The following SLC9A9 variants were observed in gnomAD, a reference collection of about 807,000 sequenced individuals.
SLC9A9 encodes the protein sodium/hydrogen exchanger 9.
Under a neutral mutation model 77.8 loss-of-function variants are expected in SLC9A9, and 62 were observed. The observed-to-expected ratio is 0.80, with a 90% CI of 0.65 to 0.98. The LOEUF is 0.98. SLC9A9 is among the 50% of genes least tolerant of loss of function. The pLI is 0.00. For missense variants in SLC9A9, 775 were observed against 774.9 expected (o/e 1.00, Z 0.00); for synonymous variants, 320 against 283.5 (o/e 1.13, Z -1.29).
At chr3:143,475,125 ATTT>A (rs35148633) in intron 11 of SLC9A9, among the ~76,000 whole-genome samples, 1 of 134,670 alleles carries the variant, frequency 7.4e-6, no homozygotes, top group Non-Finnish European at 1.6e-5. Flanking sequence ...CACCTGGCTC[ATTT>A]TTTTTTTTTT....
At chr3:143,343,388 T>C (rs974789164) in intron 14 of SLC9A9, 15 of 152,300 alleles carry the variant, frequency 9.8e-5, no homozygotes, top group African/African-American at 3.6e-4. Flanking sequence ...TAGTCAATTT[T>C]CAGAATAAGA....
At chr3:143,708,624 A>C (rs1321268161) in intron 4 of SLC9A9, among the ~76,000 whole-genome samples, 1 of 152,140 alleles carries the variant, frequency 6.6e-6, no homozygotes, top group Non-Finnish European at 1.5e-5. Context: ...TCTCTCCTTT[A>C]TTTCATCTAG....
chr3:143,666,837 C>T (rs148948146), intron 5 of SLC9A9, among the ~76,000 whole-genome samples: 2,253 of 152,264 alleles, frequency 0.015, 48 homozygotes, highest in African/African-American at 0.051. Flanking sequence ...AAAGAGGACA[C>T]AAACAAATGG....
chr3:143,417,399 A>T (rs561038546), intron 12 of SLC9A9, among the ~76,000 whole-genome samples: 5 of 149,194 alleles, frequency 3.4e-5, no homozygotes, highest in African/African-American at 1.2e-4. Flanking sequence ...AGGTTAAATT[A>T]GTTCATAATG....
At chr3:143,341,982 T>A (rs187985013) in intron 14 of SLC9A9, among the ~76,000 whole-genome samples, 82 of 152,280 alleles carry the variant, frequency 5.4e-4, no homozygotes, top group Admixed American at 1.4e-3. Context: ...TTTCATTGAT[T>A]CCGGGTGAAA....
chr3:143,551,689 C>A (rs1339984774), intron 9 of SLC9A9, among the ~76,000 whole-genome samples: 1 of 152,240 alleles, frequency 6.6e-6, no homozygotes, highest in Non-Finnish European at 1.5e-5. Context: ...AGACGTATTT[C>A]TATGACAATA....
intron 9 of SLC9A9, among the ~76,000 whole-genome samples, chr3:143,504,826 A>G (rs764002738): frequency 2.6e-5 from 4 of 152,184 alleles, no homozygotes; most frequent in Non-Finnish European, 4.4e-5. Flanking sequence ...GCATTAATAC[A>G]CTTGCATTAA....
intron 4 of SLC9A9, among the ~76,000 whole-genome samples, chr3:143,737,079 A>G (rs1203457538): frequency 6.6e-6 from 1 of 152,246 alleles, no homozygotes; most frequent in Non-Finnish European, 1.5e-5. Context: ...TAGTACTAAT[A>G]ACTCAGTAGA....
In SLC9A9 at chr3:143,545,394, T is replaced by C. The variant is rs374888459; in HGVS notation, c.1089+6968A>G. Among the ~76,000 whole-genome samples the C allele has an allele frequency of 3.3e-5, 5 of 152,328 alleles. No individual in the cohort carries two copies. In the East Asian group the frequency reaches 5.8e-4, roughly 18 times the overall value. ...TTGTGCATGTGAGTGCATGCATGCA[T>C]ATGCATATGTATGTTTGTGTGCATG... On this transcript the variant is annotated intron_variant, in intron 9 of 15. Coordinates refer to ENST00000316549, the MANE Select transcript of SLC9A9 (RefSeq NM_173653.4).
chr3:143,395,926 G>A (rs1031929680), intron 12 of SLC9A9, among the ~76,000 whole-genome samples: 32 of 152,192 alleles, frequency 2.1e-4, no homozygotes, highest in African/African-American at 6.0e-4. Context: ...TTAGAATGGC[G>A]ATCATTAAAA....
At chr3:143,351,331 T>G (rs936615321) in intron 14 of SLC9A9, among the ~76,000 whole-genome samples, 1 of 152,218 alleles carries the variant, frequency 6.6e-6, no homozygotes, top group African/African-American at 2.4e-5. Context: ...TAAATATTAT[T>G]ATGTCCCTTC....
At chr3:143,538,535 A>G (rs1475375102) in intron 9 of SLC9A9, among the ~76,000 whole-genome samples, 1 of 152,208 alleles carries the variant, frequency 6.6e-6, no homozygotes, top group Non-Finnish European at 1.5e-5. Context: ...TTGTGGCCCT[A>G]GGGAAGACCT....
intron 11 of SLC9A9, among the ~76,000 whole-genome samples, chr3:143,481,930 T>A (rs12488097): frequency 6.6e-6 from 1 of 151,976 alleles, no homozygotes; most frequent in Non-Finnish European, 1.5e-5. Context: ...CCATTTATGT[T>A]TCCTTTCTGG....
intron 1 of SLC9A9, among the ~76,000 whole-genome samples, chr3:143,836,368 A>G (rs1266502253): frequency 1.3e-5 from 2 of 152,172 alleles, no homozygotes; most frequent in Non-Finnish European, 2.9e-5. Context: ...AGAAAAGCCA[A>G]TCACTTTGGG....
chr3:143,595,233 TCCTC>T (rs2037734112), intron 6 of SLC9A9, among the ~76,000 whole-genome samples: 1 of 152,154 alleles, frequency 6.6e-6, no homozygotes, highest in Admixed American at 6.5e-5. Flanking sequence ...GTTGGGGAGA[TCCTC>T]CCACAAAATC....
chr3:143,301,546 T>C (rs139678522), intron 14 of SLC9A9, among the ~76,000 whole-genome samples: 4 of 152,276 alleles, frequency 2.6e-5, no homozygotes, highest in African/African-American at 9.6e-5. Flanking sequence ...TAGAATGGAA[T>C]AGCTGGGTGT....
chr3:143,334,376 C>T (rs745804797), intron 14 of SLC9A9, among the ~76,000 whole-genome samples: 2 of 152,248 alleles, frequency 1.3e-5, no homozygotes, highest in African/African-American at 4.8e-5. Flanking sequence ...CTGTTGGAAG[C>T]GGACATGCTG....
intron 2 of SLC9A9, among the ~76,000 whole-genome samples, chr3:143,831,598 A>G (rs1275031597): frequency 6.6e-6 from 1 of 152,188 alleles, no homozygotes; most frequent in Non-Finnish European, 1.5e-5. Flanking sequence ...TTGCAAGTGA[A>G]AATGTTTTTA....
At chr3:143,689,800 T>A (rs1051741237) in intron 5 of SLC9A9, among the ~76,000 whole-genome samples, 2 of 152,070 alleles carry the variant, frequency 1.3e-5, no homozygotes, top group African/African-American at 4.8e-5. Flanking sequence ...CGTAGTAGCA[T>A]ATAGTGGAAT....
Sources: gnomAD v4.1 joint callset for allele counts (sites outside exome capture counted in the v4.1 genomes callset) on GRCh38, gnomAD v4.1.1 for gene constraint, MANE v1.5 for transcripts, NCBI Gene and HGNC (gene_info 2026-07-23, HGNC 2026-07-21) for gene names.